Variants in ABI3BP observed in about 807,000 individuals in gnomAD.
ABI3BP encodes the protein ABI family member 3 binding protein, also known as target of Nesh-SH3.
ABI3BP carries 216 observed loss-of-function variants against 268.6 expected under a neutral mutation model. The ratio of observed to expected loss-of-function variants is 0.80; its 90% CI spans 0.72 to 0.90. The LOEUF (loss-of-function observed/expected upper bound fraction) is 0.90. ABI3BP is among the 40% of genes least tolerant of loss of function. The pLI is 0.00. For missense variants in ABI3BP, 2,090 were observed against 2,182.4 expected (o/e 0.96, Z 0.84); for synonymous variants, 730 against 730.0 (o/e 1.00, Z 0.00).
In ABI3BP at chr3:100,750,215, A is replaced by AATAATATACAAATGATCT. The variant is rs2095241298; in HGVS notation, c.*262_*279dup. 3.6e-6 allele frequency: 1 copy of AATAATATACAAATGATCT among 276,494 alleles called. No homozygotes were observed. Among genetic ancestry groups the AATAATATACAAATGATCT allele is most frequent in the East Asian group, 7.0e-5 (1 of 14,300 alleles). The allele number at this position is 276,494 out of a possible 1,614,324, so 17.1% of individuals were successfully genotyped here. On this transcript the variant is annotated 3_prime_UTR_variant, in exon 68 of 68. Coordinates refer to ENST00000471714, the MANE Select transcript of ABI3BP (RefSeq NM_001375547.2). ...AAAACATCATTACAACAGTGTGATA[A>AATAATATACAAATGATCT]ATAATATACAAATGATCTCTTAAAA...
intron 1 of ABI3BP, among the ~76,000 whole-genome samples, chr3:100,985,701 A>G (rs1017488819): frequency 1.3e-5 from 2 of 152,154 alleles, no homozygotes; most frequent in African/African-American, 4.8e-5. Context: ...CAAGGTCCAT[A>G]TTGGGTGCTG....
At chr3:100,751,801 A>G (rs540494899) in intron 66 of ABI3BP, 127 bp from the exon 67 acceptor site, 6 of 926,278 alleles carry the variant, frequency 6.5e-6, no homozygotes, top group South Asian at 4.9e-5. Context: ...CAAACCAACA[A>G]TGTTTCTTGC....
chr3:100,871,598 T>C (rs1203827019), intron 9 of ABI3BP, among the ~76,000 whole-genome samples: 1 of 152,202 alleles, frequency 6.6e-6, no homozygotes, highest in Non-Finnish European at 1.5e-5. Context: ...AATGGGACTT[T>C]GCCTGCACAA....
intron 14 of ABI3BP, among the ~76,000 whole-genome samples, chr3:100,857,517 G>A (rs1453507544): frequency 3.3e-5 from 5 of 152,088 alleles, no homozygotes; most frequent in East Asian, 1.9e-4. Context: ...CATTCACAAC[G>A]AGAATAAGCT....
At chr3:100,959,318 G>A (rs996588793) in intron 1 of ABI3BP, among the ~76,000 whole-genome samples, 14 of 151,054 alleles carry the variant, frequency 9.3e-5, no homozygotes, top group African/African-American at 2.4e-4. Context: ...GTGAAACCCC[G>A]TCTCTACTAA....
At chr3:100,753,955 G>A (rs1390992998) in intron 64 of ABI3BP, 107 bp from the exon 65 acceptor site, 2 of 1,133,884 alleles carry the variant, frequency 1.8e-6, no homozygotes, top group South Asian at 2.7e-5. Context: ...AGTCTTATTT[G>A]CAAAATGGTA....
rs993403894 is a variant in ABI3BP at position 100,886,278 on chromosome 3, CCACTT to C, written c.502_506del (p.Lys168AspfsTer9). The C allele has an allele frequency of 1.9e-6, 3 of 1,608,512 alleles. No homozygotes were observed. Among genetic ancestry groups the C allele is most frequent in the African/African-American group, 1.3e-5 (1 of 74,768 alleles). On this transcript the variant is annotated frameshift_variant, in exon 5 of 68. Coordinates refer to ENST00000471714, the MANE Select transcript of ABI3BP (RefSeq NM_001375547.2). LOFTEE classifies it high-confidence loss of function. ...CAGTGGCTGGACAGATTTGAAAAAT[CCACTT>C]CTTTTCTTTATCCTTTTCTCGATAG...
chr3:100,866,861 A>G lies in ABI3BP; in HGVS notation c.988+18T>C, dbSNP rs1321176482. On this transcript the variant is annotated intron_variant, in intron 10 of 67. Transcript: ENST00000471714. ...ATTTTTTCTTTTCTCAAGGTCAACA[A>G]CATAGCGATCTCATTACCTGTTGTG... is the stretch of plus-strand genomic sequence containing the variant. 15 of 1,609,600 alleles carry G rather than the reference A, an allele frequency of 9.3e-6. No homozygotes were observed. Among genetic ancestry groups the G allele is most frequent in the Non-Finnish European group, 1.3e-5 (15 of 1,176,906 alleles).
chr3:100,829,512 T>C, intron 33 of ABI3BP, 69 bp downstream of exon 33: 2 of 1,388,398 alleles, frequency 1.4e-6, no homozygotes, highest in South Asian at 2.5e-5. Flanking sequence ...CATGCCCAGC[T>C]ACTTCATTCT....
At chr3:100,788,282 C>T (rs776205971) in intron 56 of ABI3BP, among the ~76,000 whole-genome samples, 13 of 152,242 alleles carry the variant, frequency 8.5e-5, no homozygotes, top group Admixed American at 2.0e-4. Context: ...AAGTCCATTG[C>T]CAAGCACAGA....
chr3:100,839,645 A>C (rs1316218470), intron 23 of ABI3BP, 29 bp from the exon 24 acceptor site: 2 of 1,535,240 alleles, frequency 1.3e-6, no homozygotes, highest in African/African-American at 2.7e-5. Flanking sequence ...AAAACATGAA[A>C]TATTTCAAGA....
At chr3:100,979,564 TG>T (rs76922505) in intron 1 of ABI3BP, among the ~76,000 whole-genome samples, 35,978 of 152,088 alleles carry the variant, frequency 0.24, 5,100 homozygotes, top group East Asian at 0.43. Context: ...TTAACATCTG[TG>T]GTCCCTTTGT....
At chr3:100,986,867 TC>T (rs2091912206) in intron 1 of ABI3BP, among the ~76,000 whole-genome samples, 1 of 152,222 alleles carries the variant, frequency 6.6e-6, no homozygotes, top group Non-Finnish European at 1.5e-5. Context: ...ATGGTTATCA[TC>T]TTTTAAAATG....
chr3:100,935,523 T>C (rs1426091022), intron 1 of ABI3BP, among the ~76,000 whole-genome samples: 1 of 152,146 alleles, frequency 6.6e-6, no homozygotes, highest in African/African-American at 2.4e-5. Flanking sequence ...AGAAAGTCAA[T>C]GGTAATTTGA....
chr3:100,753,049 C>A (rs754582361), intron 65 of ABI3BP, 101 bp from the exon 66 acceptor site: 54 of 1,123,166 alleles, frequency 4.8e-5, no homozygotes, highest in Middle Eastern at 5.8e-4. Flanking sequence ...ACCTTTTTTT[C>A]CCCCCATGCT....
At chr3:100,829,134 G>A (rs2098439305) in intron 33 of ABI3BP, among the ~76,000 whole-genome samples, 1 of 130,412 alleles carries the variant, frequency 7.7e-6, no homozygotes, top group Non-Finnish European at 1.5e-5. Flanking sequence ...GTTTTTAAGT[G>A]GTTGTTAAAA....
At chr3:100,778,495 GAGAAT>G (rs2096774321) in intron 58 of ABI3BP, 119 bp from the exon 59 acceptor site, 1 of 827,382 alleles carries the variant, frequency 1.2e-6, no homozygotes, top group Non-Finnish European at 1.9e-6. Context: ...TTGGATGACA[GAGAAT>G]AGATTCTACA....
At chr3:100,926,070 G>A (rs2576375) in intron 2 of ABI3BP, among the ~76,000 whole-genome samples, 152,208 of 152,238 alleles carry the variant, frequency 1, 76,089 homozygotes, top group Non-Finnish European at 1. Context: ...ATGAATTCTT[G>A]AGTTATATAG....
chr3:100,912,293 A>AAAAAAAC (rs2056944009), intron 2 of ABI3BP: 2 of 156,084 alleles, frequency 1.3e-5, no homozygotes, highest in African/African-American at 4.9e-5. Context: ...AAAAAAAAAA[A>AAAAAAAC]AAAAAAAAAA....
Sources: gnomAD v4.1 joint callset for allele counts (sites outside exome capture counted in the v4.1 genomes callset) on GRCh38, gnomAD v4.1.1 for gene constraint, MANE v1.5 for transcripts, NCBI Gene and HGNC (gene_info 2026-07-23, HGNC 2026-07-21) for gene names.